ADAM12: variants seen among roughly 807,000 people sequenced by gnomAD.
ADAM12 encodes the protein ADAM metallopeptidase domain 12.
In ADAM12, 70 loss-of-function variants were observed where a neutral mutation model predicts 106.4. That is an observed-to-expected ratio of 0.66 (90% confidence interval 0.54 to 0.80). The LOEUF (loss-of-function observed/expected upper bound fraction) is 0.80, where lower values mean the gene tolerates loss of function less well. Among genes scored for constraint, ADAM12 ranks in the 30% least tolerant of loss-of-function variants. ADAM12 has a pLI of 0.00. For synonymous variants in ADAM12, 420 were observed against 433.5 expected, an observed-to-expected ratio of 0.97 and a Z score of 0.39; for missense variants, 1,010 against 1,171.9, an observed-to-expected ratio of 0.86 and a Z score of 2.02.
chr10:126,177,735 T>C (rs1957244505), intron 3 of ADAM12, among the ~76,000 whole-genome samples: 1 of 152,222 alleles, frequency 6.6e-6, no homozygotes, highest in Non-Finnish European at 1.5e-5. Flanking sequence ...TCCAATGCAG[T>C]GAATTCAAGA....
intron 1 of ADAM12, among the ~76,000 whole-genome samples, chr10:126,337,483 A>C (rs1854746200): frequency 6.6e-6 from 1 of 152,194 alleles, no homozygotes; most frequent in African/African-American, 2.4e-5. Context: ...ACAGAAAAAG[A>C]AGGAAATCAG....
intron 1 of ADAM12, among the ~76,000 whole-genome samples, chr10:126,373,960 T>A (rs1401911039): frequency 6.6e-6 from 1 of 152,146 alleles, no homozygotes; most frequent in Non-Finnish European, 1.5e-5. Context: ...TCTAGCTAGA[T>A]CCTTGAATAA....
intron 11 of ADAM12, among the ~76,000 whole-genome samples, chr10:126,085,135 C>T (rs1955312147): frequency 6.6e-6 from 1 of 152,174 alleles, no homozygotes. Context: ...TGTTTGAAAG[C>T]AAATTGTTTC....
At chr10:126,108,733 T>A in intron 7 of ADAM12, 69 bp from the exon 8 acceptor site, 1 of 1,418,004 alleles carries the variant, frequency 7.1e-7, no homozygotes, top group Admixed American at 1.7e-5. Context: ...TCCTGGCTTC[T>A]GGAAATGTGA....
intron 22 of ADAM12, among the ~76,000 whole-genome samples, chr10:126,018,164 C>G (rs1953694820): frequency 6.6e-6 from 1 of 152,224 alleles, no homozygotes; most frequent in Non-Finnish European, 1.5e-5. Context: ...AAAATCACTC[C>G]AGTGTGTCTT....
At chr10:126,252,473 C>A (rs1047945991) in intron 3 of ADAM12, among the ~76,000 whole-genome samples, 6 of 152,174 alleles carry the variant, frequency 3.9e-5, no homozygotes, top group African/African-American at 1.4e-4. Flanking sequence ...TGATGTAACT[C>A]TGTCTAAGGC....
intron 2 of ADAM12, among the ~76,000 whole-genome samples, chr10:126,308,648 T>C (rs951375465): frequency 6.6e-6 from 1 of 152,242 alleles, no homozygotes; most frequent in South Asian, 2.1e-4. Context: ...TTTTTTCAAA[T>C]TGTGATTTTC....
chr10:126,235,920 T>G (rs1189962258), intron 3 of ADAM12, among the ~76,000 whole-genome samples: 3 of 151,712 alleles, frequency 2.0e-5, no homozygotes, highest in Non-Finnish European at 4.4e-5. Context: ...GGGGTGGCTG[T>G]ACCATGGGCT....
intron 1 of ADAM12, among the ~76,000 whole-genome samples, chr10:126,368,143 G>C (rs1564760076): frequency 6.6e-6 from 1 of 151,788 alleles, no homozygotes; most frequent in Non-Finnish European, 1.5e-5. Flanking sequence ...ATATATGTGT[G>C]TATGTGTATA....
chr10:126,052,092 G>A (rs188803146), intron 14 of ADAM12, among the ~76,000 whole-genome samples: 3 of 152,330 alleles, frequency 2.0e-5, no homozygotes, highest in East Asian at 3.9e-4. Context: ...TCATCTAAGG[G>A]TGAAGCCAGG....
intron 3 of ADAM12, among the ~76,000 whole-genome samples, chr10:126,223,584 G>A (rs1958136369): frequency 6.6e-6 from 1 of 152,226 alleles, no homozygotes; most frequent in Non-Finnish European, 1.5e-5. Flanking sequence ...AATGTTAGGA[G>A]AACATCCTCA....
intron 1 of ADAM12, among the ~76,000 whole-genome samples, chr10:126,359,687 C>T (rs1336949431): frequency 2.0e-5 from 3 of 152,184 alleles, no homozygotes; most frequent in South Asian, 2.1e-4. Flanking sequence ...GCTACTTTCA[C>T]GGGCTGGTGT....
chr10:126,100,514 C>T (rs1955642715), intron 9 of ADAM12, among the ~76,000 whole-genome samples: 1 of 148,404 alleles, frequency 6.7e-6, no homozygotes, highest in Admixed American at 6.7e-5. Flanking sequence ...CCATCTTGGC[C>T]AACATGGTGA....
In ADAM12 at chr10:126,116,590, G is replaced by A. The variant is rs1051189093; in HGVS notation, c.603+1448C>T. On this transcript the variant is annotated intron_variant, in intron 6 of 22. Coordinates refer to ENST00000448723, the MANE Select transcript of ADAM12 (RefSeq NM_001288973.2). ...TTCTGCCACCAAGCAGCCATGTCAAGGTGAGCCACAGTACCAGATGGGAGA... is the reference window on the plus strand; with the variant it reads ...TTCTGCCACCAAGCAGCCATGTCAAAGTGAGCCACAGTACCAGATGGGAGA... Among the ~76,000 whole-genome samples, 6 of 152,070 alleles carry A rather than the reference G, an allele frequency of 3.9e-5. 1 individual carries two copies. Among genetic ancestry groups the A allele is most frequent in the Admixed American group, 2.6e-4 (4 of 15,246 alleles).
At chr10:126,333,743 C>A (rs573980654) in intron 1 of ADAM12, among the ~76,000 whole-genome samples, 9 of 152,324 alleles carry the variant, frequency 5.9e-5, no homozygotes, top group African/African-American at 2.2e-4. Flanking sequence ...ATATTCCAAC[C>A]ACTGAAACAT....
At chr10:126,219,006 C>T (rs998258714) in intron 3 of ADAM12, among the ~76,000 whole-genome samples, 26 of 152,128 alleles carry the variant, frequency 1.7e-4, no homozygotes, top group Non-Finnish European at 3.2e-4. Flanking sequence ...GTAATGTTAC[C>T]CTCAATTTAC....
At chr10:126,153,169 T>G (rs1467385476) in intron 4 of ADAM12, among the ~76,000 whole-genome samples, 9 of 152,234 alleles carry the variant, frequency 5.9e-5, no homozygotes, top group Non-Finnish European at 1.2e-4. Context: ...CTATTTCATT[T>G]TTATTCTTAC....
At chr10:126,213,174 G>C (rs925285919) in intron 3 of ADAM12, among the ~76,000 whole-genome samples, 1 of 152,174 alleles carries the variant, frequency 6.6e-6, no homozygotes, top group Non-Finnish European at 1.5e-5. Context: ...AGAGGGCTTA[G>C]CTCCAAGATC....
intron 4 of ADAM12, among the ~76,000 whole-genome samples, chr10:126,144,862 C>T (rs1283509041): frequency 6.6e-6 from 1 of 152,170 alleles, no homozygotes; most frequent in Non-Finnish European, 1.5e-5. Flanking sequence ...GTGCCAGGCT[C>T]GGTGTCTGTT....
Sources: gnomAD v4.1 joint callset for allele counts (sites outside exome capture counted in the v4.1 genomes callset) on GRCh38, gnomAD v4.1.1 for gene constraint, MANE v1.5 for transcripts, NCBI Gene and HGNC (gene_info 2026-07-23, HGNC 2026-07-21) for gene names.